CCDC92: variants seen among roughly 807,000 people sequenced by gnomAD.
CCDC92 encodes coiled-coil domain-containing protein 92.
A neutral mutation model predicts 24.9 loss-of-function variants in CCDC92; 12 were observed. The observed-to-expected ratio is 0.48, with a 90% CI of 0.31 to 0.78. The LOEUF (loss-of-function observed/expected upper bound fraction) is 0.78. Ranked by LOEUF, CCDC92 falls within the 30% of genes least tolerant of loss-of-function variation. The pLI, the probability that CCDC92 is intolerant of heterozygous loss-of-function variation, is 0.05. For synonymous variants in CCDC92, 193 were observed against 196.3 expected (o/e 0.98, Z 0.14); for missense variants, 399 against 439.4 (o/e 0.91, Z 0.82).
chr12:123,968,677 C>G (rs941234692), intron 1 of CCDC92: 1 of 152,128 alleles, frequency 6.6e-6, no homozygotes. Context: ...AAAAGCATGA[C>G]ACAAACTCAT....
At chr12:123,952,216 T>C (rs1956043878) in intron 1 of CCDC92, among the ~76,000 whole-genome samples, 1 of 152,244 alleles carries the variant, frequency 6.6e-6, no homozygotes, top group Non-Finnish European at 1.5e-5. Context: ...CAAGATTATT[T>C]ACTTAGCCAA....
chr12:123,950,750 A>G (rs1956005163), intron 1 of CCDC92, among the ~76,000 whole-genome samples: 1 of 152,174 alleles, frequency 6.6e-6, no homozygotes, highest in African/African-American at 2.4e-5. Context: ...CTCTGATGTT[A>G]CCCGTGGGAG....
intron 1 of CCDC92, chr12:123,961,257 G>A (rs1956266019): frequency 6.6e-6 from 1 of 152,184 alleles, no homozygotes; most frequent in African/African-American, 2.4e-5. Flanking sequence ...CTCAATTATT[G>A]TAGCATTCCT....
Position 123,952,535 on chromosome 12 carries a change from T to G in CCDC92, c.-59-8171A>C, listed in dbSNP as rs1209810651. Among the ~76,000 whole-genome samples, 3 of 152,360 alleles carry G rather than the reference T, an allele frequency of 2.0e-5. 1 individual carries two copies. The East Asian group carries it at 5.8e-4, about 29-fold the overall frequency. On this transcript the variant is annotated intron_variant, in intron 1 of 4. Transcript: ENST00000238156. ...AATACCTGCTTTTAAGAAAGGACAC[T>G]CACCATCTCTGAAAATGAATACTGA...
intron 1 of CCDC92, among the ~76,000 whole-genome samples, chr12:123,965,814 G>A (rs930444954): frequency 1.3e-5 from 2 of 152,088 alleles, no homozygotes; most frequent in African/African-American, 4.8e-5. Flanking sequence ...ATATGTGGGT[G>A]GCATGCTCCA....
At chr12:123,949,853 G>A (rs1003345718) in intron 1 of CCDC92, among the ~76,000 whole-genome samples, 1 of 152,252 alleles carries the variant, frequency 6.6e-6, no homozygotes, top group Non-Finnish European at 1.5e-5. Context: ...CGGCCTCGCC[G>A]AGTATGCTCT....
chr12:123,936,782 C>T lies in CCDC92; in HGVS notation c.*276G>A, dbSNP rs1183988345. The T allele has an allele frequency of 5.3e-6, 3 of 563,884 alleles. No individual in the cohort carries two copies. Among genetic ancestry groups the T allele is most frequent in the Non-Finnish European group, 9.4e-6 (3 of 317,818 alleles). The allele number at this position is 563,884 out of a possible 1,614,324, so 34.9% of individuals were successfully genotyped here. A position where few individuals can be genotyped will look rare whatever the true frequency, so the allele number is the denominator to read the frequency against. On this transcript the variant is annotated 3_prime_UTR_variant, in exon 5 of 5. Transcript: ENST00000238156. ...AGTAGTGACGCAGCCGTGGCCTGGGCTTTGCCTGCAGCGCACTTAGGTTAC... is the reference window on the plus strand; with the variant it reads ...AGTAGTGACGCAGCCGTGGCCTGGGTTTTGCCTGCAGCGCACTTAGGTTAC...
intron 1 of CCDC92, chr12:123,944,570 A>AGAC (rs1278546423): frequency 2.4e-6 from 1 of 420,836 alleles, no homozygotes; most frequent in Admixed American, 4.5e-5. Context: ...TCACTGCTTC[A>AGAC]GACGACACCA....
At chr12:123,969,836 TC>T (rs1956483421) in intron 1 of CCDC92, among the ~76,000 whole-genome samples, 2 of 152,126 alleles carry the variant, frequency 1.3e-5, no homozygotes, top group African/African-American at 4.8e-5. Context: ...ACTGGCACCA[TC>T]CCATTTTTTA....
Position 123,959,462 on chromosome 12 carries a change from G to A in CCDC92, c.-60+13067C>T, listed in dbSNP as rs531044831. On this transcript the variant is annotated intron_variant, in intron 1 of 4. Transcript: ENST00000238156. ...TGGGACTACCAGTGTGCACCACCAC[G>A]CCCGGCTCATTTTTGTATTTTTAGT... Among the ~76,000 whole-genome samples, 136 of 152,076 alleles carry A rather than the reference G, an allele frequency of 8.9e-4. 3 individuals carry two copies. In the Middle Eastern group the frequency reaches 0.02, roughly 23 times the overall value.
At chr12:123,947,233 G>A (rs560006388) in intron 1 of CCDC92, among the ~76,000 whole-genome samples, 6 of 152,278 alleles carry the variant, frequency 3.9e-5, no homozygotes, top group Admixed American at 6.5e-5. Context: ...TGCCATGCCT[G>A]AGCCTCCCAC....
rs967468364 is a variant in CCDC92 at position 123,937,141 on chromosome 12, G to A, written c.913C>T (p.Pro305Ser). 1.9e-6 allele frequency: 3 copies of A among 1,612,890 alleles called. No homozygotes were observed. The highest frequency in any genetic ancestry group is 2.7e-5 in the African/African-American group (2 of 74,920). ...TCGACCGCCAGGGTCTTCACCTCGGGCTGGGCCTGCGGCGGGGTGGCGTGG... is the reference window on the plus strand; with the variant it reads ...TCGACCGCCAGGGTCTTCACCTCGGACTGGGCCTGCGGCGGGGTGGCGTGG... ...IHHATPPQAQ[P>S]EVKTLAVDQV... Residue 305 changes from proline to serine, a missense_variant, in exon 5 of 5, where the codon CCC becomes TCC. Transcript: ENST00000238156. The surrounding 1 kb of genome is among the most constrained non-coding windows in gnomAD (Gnocchi z 8.4).
intron 4 of CCDC92, among the ~76,000 whole-genome samples, chr12:123,939,278 A>AT (rs972869132): frequency 6.6e-6 from 1 of 151,998 alleles, no homozygotes; most frequent in Non-Finnish European, 1.5e-5. Context: ...CTTGCTTTGA[A>AT]TTTTCCCACC....
chr12:123,971,142 T>C (rs1956519094), intron 1 of CCDC92, among the ~76,000 whole-genome samples: 1 of 152,234 alleles, frequency 6.6e-6, no homozygotes. Flanking sequence ...AGATCTTAAA[T>C]GTACCTAAAC....
rs1566142104 is a variant in CCDC92 at position 123,937,549 on chromosome 12, G to A, written c.505C>T (p.Leu169Phe). 4 of 1,612,628 alleles carry A rather than the reference G, an allele frequency of 2.5e-6. No individual in the cohort carries two copies. The South Asian group carries it at 3.3e-5, about 13-fold the overall frequency. The change falls in exon 5 of 5, where the codon CTC becomes TTC. Residue 169 changes from leucine to phenylalanine, a missense_variant. Leu to Phe is a conservative substitution (Grantham distance 22). Coordinates refer to ENST00000238156, the MANE Select transcript of CCDC92 (RefSeq NM_025140.3). The surrounding 1 kb of genome is among the most constrained non-coding windows in gnomAD (Gnocchi z 8.4). ...TCTGAGGTCCCGCTGGAGCTCATGA[G>A]CTTCTTCTTGGCGGCGTGCAGCTGG... ...TSQLHAAKKKLMSSSGTSDAS... is the reference protein window; with the variant it reads ...TSQLHAAKKKFMSSSGTSDAS...
At chr12:123,947,208 T>C (rs1195841636) in intron 1 of CCDC92, among the ~76,000 whole-genome samples, 1 of 152,168 alleles carries the variant, frequency 6.6e-6, no homozygotes, top group Non-Finnish European at 1.5e-5. Context: ...AGGGCAGGGC[T>C]CGGGACCTGC....
intron 2 of CCDC92, 144 bp from the exon 3 acceptor site, chr12:123,943,637 G>A (rs866558619): frequency 7.1e-6 from 6 of 842,438 alleles, no homozygotes; most frequent in African/African-American, 3.4e-5. Context: ...GGGTGTGGGG[G>A]CACCAGGGCT....
At position 123,972,355 on chromosome 12, in the gene CCDC92, G is replaced by C. The variant is rs1407710374; in HGVS notation, c.-60+174C>G. Among the ~76,000 whole-genome samples the C allele has an allele frequency of 2.6e-5, 4 of 152,066 alleles. No individual in the cohort carries two copies. In the South Asian group the frequency reaches 8.3e-4, roughly 31 times the overall value. ...GGAGCTAACGTGGCTCCCAAGCCCCGGAGGTGGGGCAGGAGGACCCCGTCC... is the reference window on the plus strand; with the variant it reads ...GGAGCTAACGTGGCTCCCAAGCCCCCGAGGTGGGGCAGGAGGACCCCGTCC... On this transcript the variant is annotated intron_variant, in intron 1 of 4. Transcript: ENST00000238156.
intron 1 of CCDC92, among the ~76,000 whole-genome samples, chr12:123,964,546 G>C (rs1302893302): frequency 6.6e-6 from 1 of 152,122 alleles, no homozygotes; most frequent in African/African-American, 2.4e-5. Context: ...CCTTTGTGGA[G>C]CTAATATTTG....
Sources: allele counts gnomAD v4.1 joint callset (sites outside exome capture counted in the v4.1 genomes callset), GRCh38; gene constraint gnomAD v4.1.1; non-coding constraint Gnocchi (gnomAD v3.1); transcripts MANE v1.5; gene names NCBI Gene and HGNC (gene_info 2026-07-23, HGNC 2026-07-21).